Variants in PCDHGA7 observed in about 807,000 individuals in gnomAD.
PCDHGA7 encodes the protein protocadherin gamma subfamily A, 7.
PCDHGA7 carries 44 observed loss-of-function variants against 58.3 expected under a neutral mutation model. The ratio of observed to expected loss-of-function variants is 0.75; its 90% CI spans 0.59 to 0.97. The LOEUF (loss-of-function observed/expected upper bound fraction) is 0.97. Among genes scored for constraint, PCDHGA7 ranks in the 50% least tolerant of loss-of-function variants. The pLI is 0.00. For synonymous variants in PCDHGA7, 516 were observed against 504.2 expected (o/e 1.02, Z -0.31); for missense variants, 1,266 against 1,188.7 (o/e 1.06, Z -0.96).
At chr5:141,446,604 G>C (rs1226194089) in intron 1 of PCDHGA7, among the ~76,000 whole-genome samples, 1 of 152,134 alleles carries the variant, frequency 6.6e-6, no homozygotes, top group Non-Finnish European at 1.5e-5. Flanking sequence ...AGCCTCCTGA[G>C]TAGCTGGGAC....
At chr5:141,418,917 C>T in intron 1 of PCDHGA7, 1 of 1,613,988 alleles carries the variant, frequency 6.2e-7, no homozygotes, top group Non-Finnish European at 8.5e-7. Context: ...ACGTCACTCT[C>T]TGATCAGATT....
chr5:141,468,180 C>T (rs1053758210), intron 1 of PCDHGA7, among the ~76,000 whole-genome samples: 4 of 151,744 alleles, frequency 2.6e-5, no homozygotes, highest in Non-Finnish European at 5.9e-5. Context: ...GAAAAATTTG[C>T]TGGGCATGGT....
Position 141,476,201 on chromosome 5 carries a change from G to C in PCDHGA7, c.2425-18606G>C. ...GCTTCTGCTTGGTGCCTTGAACAAG[G>C]CTTCCACGGTCATTCACTATGAGAT... is the stretch of plus-strand genomic sequence containing the variant. On this transcript the variant is annotated intron_variant, in intron 1 of 3. Coordinates refer to ENST00000518325, the MANE Select transcript of PCDHGA7 (RefSeq NM_018920.4). This position sits in a 1 kb window ranked among gnomAD's most constrained non-coding sequence, Gnocchi z 7.6. 6.2e-7 allele frequency: 1 copy of C among 1,613,986 alleles called. No individual in the cohort carries two copies. The highest frequency in any genetic ancestry group is 8.5e-7 in the Non-Finnish European group (1 of 1,180,028).
intron 2 of PCDHGA7, among the ~76,000 whole-genome samples, chr5:141,496,733 C>A (rs1221912777): frequency 6.6e-6 from 1 of 152,138 alleles, no homozygotes; most frequent in Non-Finnish European, 1.5e-5. Context: ...TGTATTCATT[C>A]GTTCATTTAT....
Position 141,393,354 on chromosome 5 carries a change from G to A in PCDHGA7, c.2424+8031G>A, listed in dbSNP as rs781276983. The A allele has an allele frequency of 2.4e-5, 39 of 1,613,824 alleles. No homozygotes were observed. The East Asian group carries it at 4.5e-4, about 18-fold the overall frequency. ...CAGCCCCAATCACCACTTCTCCCTG[G>A]ACGTGCAGACTGGAGACAATGGAGC... On this transcript the variant is annotated intron_variant, in intron 1 of 3. Coordinates refer to ENST00000518325, the MANE Select transcript of PCDHGA7 (RefSeq NM_018920.4).
chr5:141,420,905 T>TA (rs545324172), intron 1 of PCDHGA7: 3 of 299,970 alleles, frequency 1.0e-5, no homozygotes, highest in Non-Finnish European at 1.9e-5. Flanking sequence ...GCTCTACAAA[T>TA]ACGTGTGATT....
chr5:141,466,573 C>T (rs2099125317), intron 1 of PCDHGA7, among the ~76,000 whole-genome samples: 1 of 152,104 alleles, frequency 6.6e-6, no homozygotes, highest in South Asian at 2.1e-4. Context: ...TCAACATTGT[C>T]TCATCCCTTC....
intron 1 of PCDHGA7, among the ~76,000 whole-genome samples, chr5:141,430,411 C>T (rs879587751): frequency 3.3e-5 from 5 of 150,942 alleles, no homozygotes; most frequent in African/African-American, 1.2e-4. Flanking sequence ...ACTAAAGTTT[C>T]TATTAAAGCG....
intron 1 of PCDHGA7, among the ~76,000 whole-genome samples, chr5:141,443,592 G>A (rs2098395439): frequency 6.6e-6 from 1 of 152,076 alleles, no homozygotes; most frequent in Admixed American, 6.6e-5. Context: ...AACAGAATGT[G>A]GTATATGAAA....
At chr5:141,421,354 G>T in intron 1 of PCDHGA7, 2 of 1,613,980 alleles carry the variant, frequency 1.2e-6, no homozygotes, top group Non-Finnish European at 1.7e-6. Context: ...GACCGAAAAG[G>T]GCTCCTTCGT....
chr5:141,399,830 C>G (rs1304936728), intron 1 of PCDHGA7: 1 of 1,613,192 alleles, frequency 6.2e-7, no homozygotes. Flanking sequence ...CCCGACGGCT[C>G]TGCGCTCTTC....
intron 1 of PCDHGA7, chr5:141,405,358 A>T: frequency 6.2e-7 from 1 of 1,613,900 alleles, no homozygotes; most frequent in East Asian, 2.2e-5. Flanking sequence ...TTCCTATAGA[A>T]GACACCCCTT....
rs534823543 is a variant in PCDHGA7, at chr5:141,383,535, C to T, written c.636C>T (p.Leu212=). ...AAGAGCGGGTTCACCACCTGGTCCT[C>T]ACAGCCTCTGATGGCGGCGACCCGC... ...REEERVHHLV[L]TASDGGDPPR... The change falls in exon 1 of 4, where the codon CTC becomes CTT. Residue 212 remains leucine, a synonymous_variant. Transcript: ENST00000518325. The T allele has an allele frequency of 1.9e-5, 31 of 1,612,472 alleles. No individual in the cohort carries two copies. The African/African-American group carries it at 3.7e-4, about 19-fold the overall frequency.
intron 1 of PCDHGA7, chr5:141,399,734 C>T: frequency 6.2e-7 from 1 of 1,613,338 alleles, no homozygotes; most frequent in Non-Finnish European, 8.5e-7. Context: ...CAGGGCTCGC[C>T]TGCGCTCAGC....
At chr5:141,395,034 G>A (rs772873954) in intron 1 of PCDHGA7, 21 of 1,614,032 alleles carry the variant, frequency 1.3e-5, no homozygotes, top group African/African-American at 5.3e-5. Context: ...CTCACATTTT[G>A]TGGGTGTTGA....
chr5:141,405,185 G>C (rs777099869), intron 1 of PCDHGA7: 4 of 1,613,066 alleles, frequency 2.5e-6, no homozygotes, highest in Non-Finnish European at 3.4e-6. Context: ...GGGTGTAGAT[G>C]GGGTTCGAGC....
chr5:141,460,783 T>G (rs1000959104), intron 1 of PCDHGA7, among the ~76,000 whole-genome samples: 1 of 152,030 alleles, frequency 6.6e-6, no homozygotes, highest in Non-Finnish European at 1.5e-5. Flanking sequence ...TGTATACATA[T>G]ATACACACAA....
At chr5:141,503,133 C>A (rs1164077875) in intron 2 of PCDHGA7, among the ~76,000 whole-genome samples, 1 of 152,002 alleles carries the variant, frequency 6.6e-6, no homozygotes, top group Non-Finnish European at 1.5e-5. Context: ...CTGGTAGCCC[C>A]TGACACAGCC....
chr5:141,475,984 G>A, intron 1 of PCDHGA7: 2 of 1,069,308 alleles, frequency 1.9e-6, no homozygotes, highest in Non-Finnish European at 2.7e-6. Flanking sequence ...AACAGCCGGC[G>A]AGCAAATCAA....
Sources: allele counts gnomAD v4.1 joint callset (sites outside exome capture counted in the v4.1 genomes callset), GRCh38; gene constraint gnomAD v4.1.1; non-coding constraint Gnocchi (gnomAD v3.1); transcripts MANE v1.5; gene names NCBI Gene and HGNC (gene_info 2026-07-23, HGNC 2026-07-21).